The following LRRC7 variants were observed in gnomAD, a reference collection of about 807,000 sequenced individuals.
The protein encoded by LRRC7 is leucine-rich repeat-containing protein 7.
LRRC7 carries 23 observed loss-of-function variants against 175.7 expected under a neutral mutation model. That is an observed-to-expected ratio of 0.13 (90% CI 0.09 to 0.19). The LOEUF is 0.19. Among genes scored for constraint, LRRC7 ranks in the 10% least tolerant of loss-of-function variants. The pLI, the probability that LRRC7 is intolerant of heterozygous loss-of-function variation, is 1.00. For missense variants in LRRC7, 1,354 were observed against 1,904.7 expected, an observed-to-expected ratio of 0.71 and a Z score of 5.38; for synonymous variants, 685 against 680.9, an observed-to-expected ratio of 1.01 and a Z score of -0.09.
chr1:69,977,631 A>G (rs1652962108), intron 8 of LRRC7, among the ~76,000 whole-genome samples: 1 of 152,200 alleles, frequency 6.6e-6, no homozygotes, highest in Admixed American at 6.5e-5. Flanking sequence ...GGGTGAGGCC[A>G]TATAAATAGT....
chr1:69,693,351 AACAG>A (rs1327313408), intron 2 of LRRC7, among the ~76,000 whole-genome samples: 2 of 152,182 alleles, frequency 1.3e-5, no homozygotes, highest in Non-Finnish European at 2.9e-5. Context: ...TCTCAGGAGA[AACAG>A]AACCTATAGA....
At chr1:69,901,154 G>T (rs1323961491) in intron 7 of LRRC7, among the ~76,000 whole-genome samples, 1 of 152,164 alleles carries the variant, frequency 6.6e-6, no homozygotes, top group East Asian at 1.9e-4. Flanking sequence ...GAAAGTGGAG[G>T]CAGGCAGACT....
chr1:69,793,369 T>C (rs1292455893), intron 4 of LRRC7, among the ~76,000 whole-genome samples: 1 of 152,092 alleles, frequency 6.6e-6, no homozygotes, highest in East Asian at 1.9e-4. Flanking sequence ...ATCTGTTTTG[T>C]GAAAGGCCAT....
intron 23 of LRRC7, among the ~76,000 whole-genome samples, chr1:70,061,371 C>G (rs1289610103): frequency 6.6e-6 from 1 of 152,010 alleles, no homozygotes; most frequent in East Asian, 1.9e-4. Context: ...GTTCCCCTAC[C>G]CTCCTTTTGG....
chr1:69,996,592 G>A (rs1442331905), intron 11 of LRRC7, among the ~76,000 whole-genome samples: 1 of 151,796 alleles, frequency 6.6e-6, no homozygotes, highest in Non-Finnish European at 1.5e-5. Flanking sequence ...GTAAGGAAGG[G>A]ATCCAGTTTC....
chr1:69,642,139 A>G (rs142628744), intron 1 of LRRC7, among the ~76,000 whole-genome samples: 130 of 152,106 alleles, frequency 8.5e-4, no homozygotes, highest in African/African-American at 3.0e-3. Context: ...TATTGCTATT[A>G]TGATAATTTT....
chr1:69,873,374 C>G, intron 7 of LRRC7: 1 of 530,446 alleles, frequency 1.9e-6, no homozygotes, highest in South Asian at 1.4e-5. Flanking sequence ...TTTCTACCTC[C>G]CTGTACTGTA....
At chr1:70,105,165 G>A (rs536389388) in intron 25 of LRRC7, among the ~76,000 whole-genome samples, 2 of 152,282 alleles carry the variant, frequency 1.3e-5, no homozygotes, top group East Asian at 3.9e-4. Flanking sequence ...TATATTTGTT[G>A]TCACAACTAG....
chr1:70,076,638 G>A (rs1662802614), intron 24 of LRRC7, among the ~76,000 whole-genome samples: 1 of 152,184 alleles, frequency 6.6e-6, no homozygotes, highest in Non-Finnish European at 1.5e-5. Context: ...CAATGGATTA[G>A]GTATATTTAC....
intron 24 of LRRC7, among the ~76,000 whole-genome samples, chr1:70,078,064 G>C (rs1011345520): frequency 6.6e-6 from 1 of 152,214 alleles, no homozygotes; most frequent in Non-Finnish European, 1.5e-5. Flanking sequence ...AAAATAGCTA[G>C]AAGTGAGGAC....
At chr1:69,798,675 T>C (rs916931932) in intron 4 of LRRC7, among the ~76,000 whole-genome samples, 1 of 152,194 alleles carries the variant, frequency 6.6e-6, no homozygotes, top group Non-Finnish European at 1.5e-5. Flanking sequence ...TTAGAGAAAC[T>C]TGTAAATGCT....
rs997242208 is a variant in LRRC7 at position 69,884,526 on chromosome 1, G to A, written c.647+46243G>A. On this transcript the variant is annotated intron_variant, in intron 7 of 26. Transcript: ENST00000651989. Reference sequence around the variant, plus strand: ...TAAGGCGATTTTGGGCTGAGACAATGGGGTTTTCTAGATATACAATCATGT... The same window carrying A: ...TAAGGCGATTTTGGGCTGAGACAATAGGGTTTTCTAGATATACAATCATGT... 7.4e-5 allele frequency among the ~76,000 whole-genome samples: 10 copies of A among 135,808 alleles called. 1 individual carries two copies. The highest frequency in any genetic ancestry group is 2.8e-4 in the African/African-American group (9 of 32,160). 89.1% of individuals were successfully genotyped at this position (135,808 alleles called of 152,430 possible). A position where few individuals can be genotyped will look rare whatever the true frequency, so the allele number is the denominator to read the frequency against.
intron 4 of LRRC7, among the ~76,000 whole-genome samples, chr1:69,807,808 G>T (rs1017405445): frequency 5.3e-5 from 8 of 151,866 alleles, no homozygotes; most frequent in Non-Finnish European, 1.2e-4. Flanking sequence ...TATCTTTGTG[G>T]TGTTCTCTGT....
chr1:69,933,653 T>G (rs1647624572), intron 8 of LRRC7, among the ~76,000 whole-genome samples: 1 of 152,204 alleles, frequency 6.6e-6, no homozygotes, highest in African/African-American at 2.4e-5. Flanking sequence ...CAACAAATAT[T>G]CAGTATGTTA....
intron 1 of LRRC7, among the ~76,000 whole-genome samples, chr1:69,629,632 A>G (rs191811350): frequency 4.9e-4 from 74 of 152,226 alleles, no homozygotes; most frequent in Admixed American, 3.5e-3. Context: ...CTATTTTGAC[A>G]TAGTTTTGAC....
intron 7 of LRRC7, among the ~76,000 whole-genome samples, chr1:69,921,822 T>G (rs1411117636): frequency 6.6e-6 from 1 of 152,214 alleles, no homozygotes; most frequent in African/African-American, 2.4e-5. Context: ...TTCCTTAGCT[T>G]GACACAGGAG....
intron 7 of LRRC7, among the ~76,000 whole-genome samples, chr1:69,924,839 G>C (rs1403397749): frequency 6.6e-6 from 1 of 152,152 alleles, no homozygotes. Flanking sequence ...ACACTATGTT[G>C]AATAGGAGTG....
intron 11 of LRRC7, among the ~76,000 whole-genome samples, chr1:70,003,615 TA>T (rs1286581605): frequency 6.6e-6 from 1 of 152,200 alleles, no homozygotes; most frequent in East Asian, 1.9e-4. Flanking sequence ...GATGATTGTA[TA>T]AGATTTCAGT....
At chr1:69,662,790 A>G (rs1657672571) in intron 1 of LRRC7, among the ~76,000 whole-genome samples, 1 of 152,250 alleles carries the variant, frequency 6.6e-6, no homozygotes, top group South Asian at 2.1e-4. Context: ...GGCTATTGAA[A>G]CCTTGATATG....
Sources: allele counts gnomAD v4.1 joint callset (sites outside exome capture counted in the v4.1 genomes callset), GRCh38; gene constraint gnomAD v4.1.1; transcripts MANE v1.5; gene names NCBI Gene and HGNC (gene_info 2026-07-23, HGNC 2026-07-21).